TTN: variants seen among roughly 807,000 people sequenced by gnomAD.
TTN encodes the protein titin, also known as connectin.
TTN carries 1,525 observed loss-of-function variants against 3,223.0 expected under a neutral mutation model. The ratio of observed to expected loss-of-function variants is 0.47; its 90% CI spans 0.45 to 0.49. The LOEUF is 0.49. Ranked by LOEUF, TTN falls within the 20% of genes least tolerant of loss-of-function variation. TTN has a pLI of 0.00. For synonymous variants in TTN, 14,094 were observed against 15,161.0 expected (o/e 0.93, Z 5.17); for missense variants, 40,786 against 43,424.0 (o/e 0.94, Z 5.40).
intron 47 of TTN, chr2:178,744,875 A>G: frequency 1.0e-6 from 1 of 985,206 alleles, no homozygotes; most frequent in Non-Finnish European, 1.2e-6. Flanking sequence ...CTATTTGCTT[A>G]TTTTGCAAAT....
At chr2:178,687,537 T>A (rs543476942) in intron 127 of TTN, among the ~76,000 whole-genome samples, 2 of 152,256 alleles carry the variant, frequency 1.3e-5, no homozygotes, top group South Asian at 2.1e-4. Context: ...CTCACAAATA[T>A]GGCATTGACT....
chr2:178,786,506 T>C (rs984457412), intron 13 of TTN, among the ~76,000 whole-genome samples: 6 of 152,226 alleles, frequency 3.9e-5, no homozygotes, highest in Non-Finnish European at 8.8e-5. Flanking sequence ...TTCTTTTCAC[T>C]GATTATTTTT....
rs1430448272 is a variant in TTN at position 178,699,905 on chromosome 2, T to C, written c.30683-991A>G. On this transcript the variant is annotated intron_variant, in intron 111 of 362. Transcript: ENST00000589042. ...ACCACGCCCGGCTAATTTTTTGTAT[T>C]TTTAGTAGAGACGCGGTTTCATCGT... Among the ~76,000 whole-genome samples, 6 of 146,696 alleles carry C rather than the reference T, an allele frequency of 4.1e-5. No homozygotes were observed. In the Admixed American group the frequency reaches 4.1e-4, roughly 10 times the overall value.
Position 178,619,666 on chromosome 2 carries a change from A to G in TTN, c.46651T>C (p.Phe15551Leu). 1 of 1,612,158 alleles carries G rather than the reference A, an allele frequency of 6.2e-7. No individual in the cohort carries two copies. The highest frequency in any genetic ancestry group is 8.5e-7 in the Non-Finnish European group (1 of 1,178,840). The change falls in exon 250 of 363, where the codon TTT (phenylalanine) becomes CTT (leucine). Residue 15551 changes from phenylalanine to leucine, a missense_variant. Physicochemically the swap from Phe to Leu is conservative, Grantham distance 22. Transcript: ENST00000589042. Reference sequence around the variant, plus strand: ...CTGGCTTCTTTGTCTTTGGCAATAAATCTGTATTCACCCTGGTCACGGGGC... The same window carrying G: ...CTGGCTTCTTTGTCTTTGGCAATAAGTCTGTATTCACCCTGGTCACGGGGC... ...IKPRDQGEYR[F>L]IAKDKEARAK...
intron 50 of TTN, 53 bp downstream of exon 50, chr2:178,735,458 C>G: frequency 2.7e-6 from 4 of 1,465,502 alleles, no homozygotes; most frequent in Non-Finnish European, 3.6e-6. Flanking sequence ...AGTTTTTCTA[C>G]TGAGGATTCC....
chr2:178,720,547 G>T lies in TTN; in HGVS notation c.23215C>A (p.Arg7739=), dbSNP rs372250586. Residue 7739 remains arginine (R), a synonymous_variant, in exon 80 of 363, where the codon CGA becomes AGA. Transcript: ENST00000589042. Reference sequence around the variant, plus strand: ...TTCTTGCTGTTTCTAACCTGCTTTCGATCTTTAACCCATACTACTTCAAAT... The same window carrying T: ...TTCTTGCTGTTTCTAACCTGCTTTCTATCTTTAACCCATACTACTTCAAAT... The part of the protein sequence containing the change: ...PPFEVVWVKD[R]KQVRNSKKFK... 1.9e-6 allele frequency: 3 copies of T among 1,613,348 alleles called. No homozygotes were observed. Among genetic ancestry groups the T allele is most frequent in the Middle Eastern group, 1.7e-4 (1 of 6,054 alleles).
Position 178,622,017 on chromosome 2 carries a change from A to C in TTN, c.44914-9T>G. The C allele has an allele frequency of 6.3e-7, 1 of 1,593,172 alleles. No individual in the cohort carries two copies. The highest frequency in any genetic ancestry group is 8.6e-7 in the Non-Finnish European group (1 of 1,168,834). On this transcript the variant is annotated splice_polypyrimidine_tract_variant and intron_variant, in intron 243 of 362. Transcript: ENST00000589042. ...TCTTTAAACCACTTAACCTATATTT[A>C]AGATAAATAGATTATCAGTTTTCTT...
chr2:178,751,490 A>G, intron 47 of TTN: 1 of 1,613,326 alleles, frequency 6.2e-7, no homozygotes, highest in Non-Finnish European at 8.5e-7. Flanking sequence ...AGAGCCAGTA[A>G]ACCTCAGGTC....
At position 178,609,484 on chromosome 2, in the gene TTN, A is replaced by G; in HGVS notation, c.51826T>C (p.Tyr17276His). ...ALDASISGSP[Y>H]PTITWIKDEN... ...TCCTTTATCCATGTAATAGTTGGGT[A>G]AGGTGATCCAGAAATACTTGCATCA... is the stretch of plus-strand genomic sequence containing the variant. The change falls in exon 273 of 363, where the codon TAC becomes CAC. Residue 17276 changes from tyrosine (Y) to histidine (H), a missense_variant. Physicochemically the swap from Tyr to His is moderately conservative, Grantham distance 83. Coordinates refer to ENST00000589042, the MANE Select transcript of TTN (RefSeq NM_001267550.2). 6.2e-7 allele frequency: 1 copy of G among 1,612,544 alleles called. No homozygotes were observed. The highest frequency in any genetic ancestry group is 8.5e-7 in the Non-Finnish European group (1 of 1,179,150).
chr2:178,569,066 G>A lies in TTN; in HGVS notation c.77066C>T (p.Thr25689Ile). ...NEYGIGLPAQ[T>I]ADPIKVAEVP... ...TTCTGCAACCTTAATTGGATCAGCA[G>A]TCTGGGCAGGAAGGCCAATACCATA... Residue 25689 changes from threonine (T) to isoleucine (I), a missense_variant, in exon 326 of 363, where the codon ACT becomes ATT. Physicochemically the swap from Thr to Ile is moderately conservative, Grantham distance 89. Transcript: ENST00000589042. 1.2e-6 allele frequency: 2 copies of A among 1,613,330 alleles called. No individual in the cohort carries two copies. The highest frequency in any genetic ancestry group is 1.1e-5 in the South Asian group (1 of 91,038).
Position 178,545,932 on chromosome 2 carries a change from G to T in TTN, c.95304C>A (p.Val31768=), listed in dbSNP as rs367755163. The T allele has an allele frequency of 1.2e-6, 2 of 1,613,864 alleles. No homozygotes were observed. The highest frequency in any genetic ancestry group is 1.7e-6 in the Non-Finnish European group (2 of 1,179,794). The change falls in exon 343 of 363, where the codon GTC becomes GTA. Residue 31768 remains valine, a synonymous_variant. Transcript: ENST00000589042. ...VEGECPTLSY[V]VTRLIKNNEY... ...CATTGTTCTTGATGAGCCTGGTAAC[G>T]ACATAGGATAGGGTTGGGCATTCGC...
Position 178,624,471 on chromosome 2 carries a change from C to T in TTN, c.44809G>A (p.Val14937Ile). The T allele has an allele frequency of 6.2e-7, 1 of 1,612,318 alleles. No homozygotes were observed. The highest frequency in any genetic ancestry group is 8.5e-7 in the Non-Finnish European group (1 of 1,178,896). The change falls in exon 242 of 363, where the codon GTC (valine) becomes ATC (isoleucine). Residue 14937 changes from valine to isoleucine, a missense_variant. Physicochemically the swap from Val to Ile is conservative, Grantham distance 29. Coordinates refer to ENST00000589042, the MANE Select transcript of TTN (RefSeq NM_001267550.2). ...KDFKTSCNLN[V>I]VPPHVEFLRP... is the part of the protein sequence containing the mutation. ...TTGTAAGAAGAATACTTACGCACGA[C>T]ATTCAGGTTACAGGAAGTCTTAAAA...
chr2:178,691,238 G>A (rs961811774), intron 121 of TTN, among the ~76,000 whole-genome samples: 1 of 152,140 alleles, frequency 6.6e-6, no homozygotes, highest in African/African-American at 2.4e-5. Context: ...GGATAATGTT[G>A]AATTCTTGCT....
chr2:178,698,872 GCAA>G lies in TTN; in HGVS notation c.30722_30724del (p.Val10241del). Reference sequence around the variant, plus strand: ...ACGTGGTGTCATCTCTTTGGGCTTTGCAACAACTTTTTTGGCATCTTTCTTCAC... The same window carrying G: ...ACGTGGTGTCATCTCTTTGGGCTTTGCAACTTTTTTGGCATCTTTCTTCAC... On this transcript the variant is annotated inframe_deletion, in exon 112 of 363. Transcript: ENST00000589042. 1 of 1,534,966 alleles carries G rather than the reference GCAA, an allele frequency of 6.5e-7. No homozygotes were observed. The highest frequency in any genetic ancestry group is 8.7e-7 in the Non-Finnish European group (1 of 1,143,384).
intron 111 of TTN, among the ~76,000 whole-genome samples, chr2:178,699,702 C>T (rs1335928700): frequency 3.5e-5 from 5 of 143,140 alleles, no homozygotes; most frequent in East Asian, 4.1e-4. Context: ...TGAGCCACCG[C>T]GCCCAGCCCA....
At chr2:178,745,829 T>A (rs751372318) in intron 47 of TTN, 2 of 1,613,216 alleles carry the variant, frequency 1.2e-6, no homozygotes, top group Non-Finnish European at 1.7e-6. Context: ...TATTGGTGCA[T>A]AACAGTCAGA....
At chr2:178,669,560 T>G (rs2066598346) in intron 158 of TTN, 32 bp downstream of exon 158, 1 of 1,609,104 alleles carries the variant, frequency 6.2e-7, no homozygotes, top group Non-Finnish European at 8.5e-7. Context: ...AACCAAGAAT[T>G]ATTTCATGTT....
chr2:178,629,282 AG>A lies in TTN; in HGVS notation c.44424+18del. ...CTCCAGAAAAAGAACGGGAAAGACA[AG>A]GCATGCCTGCTTTTTACCTTATCGC... is the stretch of plus-strand genomic sequence containing the variant. On this transcript the variant is annotated intron_variant, in intron 240 of 362. Coordinates refer to ENST00000589042, the MANE Select transcript of TTN (RefSeq NM_001267550.2). 1 of 1,610,486 alleles carries A rather than the reference AG, an allele frequency of 6.2e-7. No homozygotes were observed. Among genetic ancestry groups the A allele is most frequent in the Non-Finnish European group, 8.5e-7 (1 of 1,178,282 alleles).
Position 178,692,067 on chromosome 2 carries a change from C to T in TTN, c.31711G>A (p.Glu10571Lys). The T allele has an allele frequency of 6.2e-7, 1 of 1,613,170 alleles. No homozygotes were observed. Among genetic ancestry groups the T allele is most frequent in the Non-Finnish European group, 8.5e-7 (1 of 1,179,354 alleles). The change falls in exon 121 of 363, where the codon GAG becomes AAG. Residue 10571 changes from glutamate to lysine, a missense_variant. By Grantham distance (56) the Glu-to-Lys change is moderately conservative. Transcript: ENST00000589042. ...PEVPKKPVPE[E>K]KKPVPVPKKE... ...TTAGGCACAGGAACTGGCTTTTTCT[C>T]CTCTGGCACGGGTTTCTTGGGAACC...
Sources: gnomAD v4.1 joint callset for allele counts (sites outside exome capture counted in the v4.1 genomes callset) on GRCh38, gnomAD v4.1.1 for gene constraint, MANE v1.5 for transcripts, NCBI Gene and HGNC (gene_info 2026-07-23, HGNC 2026-07-21) for gene names.